The following MOB4 variants were observed in gnomAD, a reference collection of about 807,000 sequenced individuals.
The protein encoded by MOB4 is MOB family member 4, phocein, also known as MOB-like protein phocein.
A neutral mutation model predicts 32.2 loss-of-function variants in MOB4; 4 were observed. The observed-to-expected ratio is 0.12, with a 90% confidence interval of 0.06 to 0.28. The LOEUF (loss-of-function observed/expected upper bound fraction) is 0.28. Ranked by LOEUF, MOB4 falls within the 10% of genes least tolerant of loss-of-function variation. The pLI, the probability that MOB4 is intolerant of heterozygous loss-of-function variation, is 1.00. For synonymous variants in MOB4, 88 were observed against 88.1 expected, an observed-to-expected ratio of 1.00 and a Z score of 0.01; for missense variants, 158 against 271.2, an observed-to-expected ratio of 0.58 and a Z score of 2.93.
At chr2:197,523,576 T>C in intron 1 of MOB4, 48 bp from the exon 2 acceptor site, 1 of 1,566,384 alleles carries the variant, frequency 6.4e-7, no homozygotes, top group South Asian at 1.2e-5. Context: ...TTGAAGTTAA[T>C]CATAATAGTA....
intron 2 of MOB4, among the ~76,000 whole-genome samples, chr2:197,524,530 C>CAAAA (rs58552334): frequency 1.8e-5 from 2 of 108,972 alleles, no homozygotes; most frequent in Non-Finnish European, 3.8e-5. Flanking sequence ...GACTCTGTCT[C>CAAAA]AAAAAAAAAA....
At chr2:197,523,805 C>G (rs1201516614) in intron 2 of MOB4, 119 bp downstream of exon 2, 2 of 933,962 alleles carry the variant, frequency 2.1e-6, no homozygotes, top group Non-Finnish European at 1.5e-6. Flanking sequence ...AAAGCGTGCT[C>G]TTTCACAAAA....
At chr2:197,538,022 C>T (rs896282278) in intron 3 of MOB4, among the ~76,000 whole-genome samples, 2 of 152,176 alleles carry the variant, frequency 1.3e-5, no homozygotes, top group Admixed American at 1.3e-4. Flanking sequence ...TCACGATCTG[C>T]CCACCTTGGC....
chr2:197,533,985 G>T, intron 2 of MOB4: 1 of 527,818 alleles, frequency 1.9e-6, no homozygotes, highest in Non-Finnish European at 3.7e-6. Flanking sequence ...TACATGAGAT[G>T]GCACACATAC....
intron 5 of MOB4, among the ~76,000 whole-genome samples, chr2:197,547,255 C>T (rs997941772): frequency 5.9e-5 from 9 of 152,200 alleles, no homozygotes; most frequent in South Asian, 2.1e-4. Flanking sequence ...AGTGGATTTA[C>T]GCAGTTCAAA....
chr2:197,531,335 C>T (rs538197057), intron 2 of MOB4, among the ~76,000 whole-genome samples: 2 of 151,930 alleles, frequency 1.3e-5, no homozygotes, highest in African/African-American at 4.8e-5. Context: ...TGAGCCACTG[C>T]GCCCGGCCTC....
intron 2 of MOB4, among the ~76,000 whole-genome samples, chr2:197,531,000 A>G (rs1041775636): frequency 2.2e-4 from 33 of 151,634 alleles, no homozygotes; most frequent in Non-Finnish European, 3.8e-4. Context: ...GTGGCAATAT[A>G]TATGAGACAT....
intron 2 of MOB4, among the ~76,000 whole-genome samples, chr2:197,534,433 A>G (rs551753567): frequency 1.3e-5 from 2 of 152,294 alleles, no homozygotes; most frequent in East Asian, 3.9e-4. Flanking sequence ...GTCATTTAAA[A>G]CAACTTTTAT....
chr2:197,525,897 G>A, intron 2 of MOB4, among the ~76,000 whole-genome samples: 1 of 152,074 alleles, frequency 6.6e-6, no homozygotes, highest in East Asian at 1.9e-4. Flanking sequence ...TTAAAAATAG[G>A]GGGAAGTGTC....
rs1375387486 is a variant in MOB4, at chr2:197,552,863, G to A, written c.*2217G>A. On this transcript the variant is annotated 3_prime_UTR_variant, in exon 8 of 8. Transcript: ENST00000323303. ...GGAACAAGACAGTTCTGTGTGATAA[G>A]GAAGTTAGGCTCCACTTTTTGTTTG... 2.0e-5 allele frequency: 3 copies of A among 152,246 alleles called. No individual in the cohort carries two copies. The highest frequency in any genetic ancestry group is 6.5e-5 in the Admixed American group (1 of 15,280). The allele number at this position is 152,246 out of a possible 1,614,324, so 9.4% of individuals were successfully genotyped here. A position where few individuals can be genotyped will look rare whatever the true frequency, so the allele number is the denominator to read the frequency against.
In MOB4 at chr2:197,553,095, A is replaced by T. The variant is rs2087123201; in HGVS notation, c.*2449A>T. The T allele has an allele frequency of 6.6e-6, 1 of 152,168 alleles. No individual in the cohort carries two copies. The highest frequency in any genetic ancestry group is 1.5e-5 in the Non-Finnish European group (1 of 68,040). The allele number at this position is 152,168 out of a possible 1,614,324, so 9.4% of individuals were successfully genotyped here. On this transcript the variant is annotated 3_prime_UTR_variant, in exon 8 of 8. Transcript: ENST00000323303. ...ATTTGGATTTCTAGAACAGTTTCTCAGTTAAATTCTTGATGACTTAACAAC... is the reference window on the plus strand; with the variant it reads ...ATTTGGATTTCTAGAACAGTTTCTCTGTTAAATTCTTGATGACTTAACAAC...
intron 2 of MOB4, 54 bp from the exon 3 acceptor site, chr2:197,535,476 A>G: frequency 6.6e-7 from 1 of 1,509,946 alleles, no homozygotes; most frequent in Non-Finnish European, 8.9e-7. Context: ...TACTTAACAT[A>G]AGATTTACCA....
At chr2:197,533,825 G>T in intron 2 of MOB4, 1 of 593,396 alleles carries the variant, frequency 1.7e-6, no homozygotes. Flanking sequence ...AAGACTTTAA[G>T]ACTTTTAGAA....
intron 3 of MOB4, among the ~76,000 whole-genome samples, chr2:197,537,906 A>G (rs2086829987): frequency 6.6e-6 from 1 of 152,106 alleles, no homozygotes; most frequent in African/African-American, 2.4e-5. Context: ...CAGCCTCCCA[A>G]GTAGCTGGGA....
chr2:197,529,705 A>G (rs2106115028), intron 2 of MOB4, among the ~76,000 whole-genome samples: 1 of 151,184 alleles, frequency 6.6e-6, no homozygotes, highest in African/African-American at 2.4e-5. Context: ...CCCAGGCTGG[A>G]GTGCAGTGGT....
intron 2 of MOB4, among the ~76,000 whole-genome samples, chr2:197,533,392 T>C (rs1182794779): frequency 3.3e-5 from 5 of 151,908 alleles, no homozygotes; most frequent in Non-Finnish European, 5.9e-5. Context: ...ATAAAAAAAA[T>C]CAGGGAGAGT....
intron 3 of MOB4, among the ~76,000 whole-genome samples, chr2:197,537,430 A>G (rs536996303): frequency 2.6e-5 from 4 of 152,290 alleles, no homozygotes; most frequent in South Asian, 4.1e-4. Flanking sequence ...CTTTTCCTGA[A>G]TAAATTAGAC....
intron 1 of MOB4, 89 bp downstream of exon 1, chr2:197,516,235 C>G: frequency 6.6e-7 from 1 of 1,521,226 alleles, no homozygotes. Context: ...GAGGTTGGGC[C>G]GAGGCGGCAG....
Position 197,516,321 on chromosome 2 carries a change from G to C in MOB4, c.60+175G>C, listed in dbSNP as rs1235734813. The C allele has an allele frequency of 2.8e-6, 4 of 1,428,198 alleles. No individual in the cohort carries two copies. The East Asian group carries it at 1.1e-4, about 39-fold the overall frequency. 88.5% of individuals were successfully genotyped at this position (1,428,198 alleles called of 1,614,324 possible). ...CCCTCAATTTGGCTGAGGCGGTGGC[G>C]GCCGCCGTGAGGCCTGCGGAGCTCC... On this transcript the variant is annotated intron_variant, in intron 1 of 7. Transcript: ENST00000323303.
Sources: gnomAD v4.1 joint callset for allele counts (sites outside exome capture counted in the v4.1 genomes callset) on GRCh38, gnomAD v4.1.1 for gene constraint, MANE v1.5 for transcripts, NCBI Gene and HGNC (gene_info 2026-07-23, HGNC 2026-07-21) for gene names.